CLYBL: variants seen among roughly 807,000 people sequenced by gnomAD.
CLYBL encodes citramalyl-CoA lyase, also known as citramalyl-CoA lyase, mitochondrial.
Under a neutral mutation model 38.9 loss-of-function variants are expected in CLYBL, and 31 were observed. That is an observed-to-expected ratio of 0.80 (90% CI 0.60 to 1.08). The LOEUF (loss-of-function observed/expected upper bound fraction) is 1.08. Among genes scored for constraint, CLYBL ranks in the 50% least tolerant of loss-of-function variants. CLYBL has a pLI of 0.00. For synonymous variants in CLYBL, 171 were observed against 158.6 expected, an observed-to-expected ratio of 1.08 and a Z score of -0.59; for missense variants, 434 against 411.6, an observed-to-expected ratio of 1.05 and a Z score of -0.47.
chr13:99,775,980 G>A (rs1297627828), intron 2 of CLYBL, among the ~76,000 whole-genome samples: 1 of 151,744 alleles, frequency 6.6e-6, no homozygotes, highest in Non-Finnish European at 1.5e-5. Context: ...TGGCTAACAT[G>A]GTGAAACCCC....
chr13:99,736,848 A>G (rs181512753), intron 1 of CLYBL, among the ~76,000 whole-genome samples: 7 of 152,256 alleles, frequency 4.6e-5, no homozygotes, highest in East Asian at 1.9e-4. Context: ...CTGGACCTCA[A>G]CTTCCCCCAA....
At chr13:99,742,452 A>C in intron 1 of CLYBL, among the ~76,000 whole-genome samples, 1 of 152,210 alleles carries the variant, frequency 6.6e-6, no homozygotes, top group East Asian at 1.9e-4. Flanking sequence ...AAAACCAGAG[A>C]CTTATGCCTG....
intron 1 of CLYBL, among the ~76,000 whole-genome samples, chr13:99,769,081 T>G (rs2049329896): frequency 6.6e-6 from 1 of 152,122 alleles, no homozygotes. Flanking sequence ...GAACCAGCAA[T>G]CAGTGATCAG....
chr13:99,901,645 G>GTTTTTTTT (rs57853480), downstream of CLYBL, among the ~76,000 whole-genome samples: 1 of 127,232 alleles, frequency 7.9e-6, no homozygotes, highest in African/African-American at 3.1e-5. Context: ...GGATTTTTTT[G>GTTTTTTTT]TTTTTTTTTT....
At chr13:99,895,108 T>C (rs2052558019), downstream of CLYBL, 1 of 152,176 alleles carries the variant, frequency 6.6e-6, no homozygotes, top group Non-Finnish European at 1.5e-5. Context: ...CATGTCGTTT[T>C]CCCCCGTCTC....
At chr13:99,773,140 G>C in intron 2 of CLYBL, 130 bp downstream of exon 2, 1 of 755,074 alleles carries the variant, frequency 1.3e-6, no homozygotes, top group Non-Finnish European at 2.2e-6. Context: ...ACAATTCTTT[G>C]ATCTGCTTTT....
At position 99,877,670 on chromosome 13, in the gene CLYBL, G is replaced by A. The variant is rs572675475; in HGVS notation, c.927+6608G>A. 190 of 309,282 alleles carry A rather than the reference G, an allele frequency of 6.1e-4. 2 individuals are homozygous for A. Among genetic ancestry groups the A allele is most frequent in the African/African-American group, 4.1e-3 (168 of 41,180 alleles). 19.2% of individuals were successfully genotyped at this position (309,282 alleles called of 1,614,324 possible). A position where few individuals can be genotyped will look rare whatever the true frequency, so the allele number is the denominator to read the frequency against. ...CGGCTCCCTGCAACCTCCGCCTCCC[G>A]GGTTCAAGTGATTCTCCTGCCTCAG... On this transcript the variant is annotated intron_variant, in intron 7 of 8. Transcript: ENST00000339105.
At chr13:99,798,490 A>G (rs765894102) in intron 2 of CLYBL, among the ~76,000 whole-genome samples, 6 of 151,980 alleles carry the variant, frequency 3.9e-5, no homozygotes, top group Non-Finnish European at 5.9e-5. Context: ...CTTAAACTAA[A>G]TGGTAACAGA....
At chr13:99,623,889 G>T (rs1307335861) in intron 1 of CLYBL, among the ~76,000 whole-genome samples, 1 of 150,796 alleles carries the variant, frequency 6.6e-6, no homozygotes, top group Non-Finnish European at 1.5e-5. Flanking sequence ...AACCTGGGAG[G>T]TGAAGGTTGC....
intron 1 of CLYBL, among the ~76,000 whole-genome samples, chr13:99,652,848 T>C (rs1245493622): frequency 1.3e-5 from 2 of 152,172 alleles, no homozygotes; most frequent in Non-Finnish European, 2.9e-5. Context: ...ATCAATCAAA[T>C]CAAAACAATG....
Position 99,880,068 on chromosome 13 carries a change from A to ATATTTT in CLYBL, c.927+9007_927+9008insATTTTT, listed in dbSNP as rs34063235. Among the ~76,000 whole-genome samples the ATATTTT allele has an allele frequency of 7.5e-4, 76 of 101,184 alleles. 3 individuals are homozygous for ATATTTT. Among genetic ancestry groups the ATATTTT allele is most frequent in the African/African-American group, 1.9e-3 (46 of 24,668 alleles). The allele number at this position is 101,184 out of a possible 152,430, so 66.4% of individuals were successfully genotyped here. ...TGTGTATGTATATATATATATATAT[A>ATATTTT]TTTTTTTTTTTTTTTTTGAGACAGA... is the stretch of plus-strand genomic sequence containing the variant. On this transcript the variant is annotated intron_variant, in intron 7 of 8. Transcript: ENST00000339105.
At chr13:99,638,416 TACAC>T (rs970032232) in intron 1 of CLYBL, among the ~76,000 whole-genome samples, 8 of 152,328 alleles carry the variant, frequency 5.3e-5, no homozygotes, top group African/African-American at 1.9e-4. Flanking sequence ...TACATAGACA[TACAC>T]ACACACAATA....
Position 99,760,750 on chromosome 13 carries a change from G to T in CLYBL, c.63-12074G>T, listed in dbSNP as rs148925364. On this transcript the variant is annotated intron_variant, in intron 1 of 8. Coordinates refer to ENST00000339105, the MANE Select transcript of CLYBL (RefSeq NM_206808.5). ...ATTCTTTCCTTTTTTATTGATAAGA[G>T]ATATACATAGTTTCAGGATACATGT... Among the ~76,000 whole-genome samples the T allele has an allele frequency of 4.6e-3, 698 of 152,074 alleles. 6 individuals carry two copies. The highest frequency in any genetic ancestry group is 0.016 in the African/African-American group (667 of 41,486).
At chr13:99,631,910 G>A (rs1006782808) in intron 1 of CLYBL, among the ~76,000 whole-genome samples, 1 of 152,100 alleles carries the variant, frequency 6.6e-6, no homozygotes, top group Non-Finnish European at 1.5e-5. Context: ...CACACACAAA[G>A]TATTTTTAAA....
intron 1 of CLYBL, among the ~76,000 whole-genome samples, chr13:99,711,497 C>T: frequency 6.8e-6 from 1 of 147,688 alleles, no homozygotes. Flanking sequence ...ACCTCCACTT[C>T]CCGGGTTCAA....
At chr13:99,815,237 C>G (rs1011255713) in intron 2 of CLYBL, among the ~76,000 whole-genome samples, 2 of 152,230 alleles carry the variant, frequency 1.3e-5, no homozygotes, top group African/African-American at 2.4e-5. Flanking sequence ...GAGCTAAAAC[C>G]TTGCGTGCTG....
chr13:99,855,513 G>C (rs1031377717), intron 2 of CLYBL, among the ~76,000 whole-genome samples: 11 of 152,172 alleles, frequency 7.2e-5, no homozygotes, highest in African/African-American at 2.7e-4. Context: ...GAAAAAGAAG[G>C]AAAGTGTGAA....
At chr13:99,877,950 C>T in intron 7 of CLYBL, among the ~76,000 whole-genome samples, 1 of 151,308 alleles carries the variant, frequency 6.6e-6, no homozygotes. Flanking sequence ...TTTTTTTTCC[C>T]CCACTTTAGG....
At chr13:99,750,820 A>G (rs2048942511) in intron 1 of CLYBL, among the ~76,000 whole-genome samples, 1 of 145,780 alleles carries the variant, frequency 6.9e-6, no homozygotes, top group African/African-American at 2.4e-5. Context: ...AAGGATATAT[A>G]AAAGATATAT....
Sources: gnomAD v4.1 joint callset for allele counts (sites outside exome capture counted in the v4.1 genomes callset) on GRCh38, gnomAD v4.1.1 for gene constraint, MANE v1.5 for transcripts, NCBI Gene and HGNC (gene_info 2026-07-23, HGNC 2026-07-21) for gene names.